Variants in GLYATL1 observed in about 807,000 individuals in gnomAD.
GLYATL1 encodes glycine-N-acyltransferase like 1, also known as glycine N-acyltransferase-like protein 1.
In GLYATL1, 15 loss-of-function variants were observed where a neutral mutation model predicts 20.0. That is an observed-to-expected ratio of 0.75 (90% confidence interval 0.50 to 1.15). GLYATL1 has a LOEUF of 1.15. Among genes scored for constraint, GLYATL1 ranks in the 50% most tolerant of loss-of-function variants. The pLI is 0.00. For synonymous variants in GLYATL1, 151 were observed against 131.5 expected (o/e 1.15, Z -1.01); for missense variants, 380 against 368.5 (o/e 1.03, Z -0.26).
chr11:58,929,521 G>T (rs139510566), intron 1 of GLYATL1, among the ~76,000 whole-genome samples: 1 of 151,948 alleles, frequency 6.6e-6, no homozygotes, highest in African/African-American at 2.4e-5. Flanking sequence ...TGTTTCACCC[G>T]TATATTATAG....
chr11:58,923,076 T>C (rs532318), upstream of GLYATL1, among the ~76,000 whole-genome samples: 82,044 of 152,012 alleles, frequency 0.54, 22,829 homozygotes, highest in African/African-American at 0.69. Context: ...ATTTTCTTCC[T>C]ATTTCCTCCC....
At chr11:58,922,827 G>A (rs1188728918), upstream of GLYATL1, among the ~76,000 whole-genome samples, 4 of 152,148 alleles carry the variant, frequency 2.6e-5, no homozygotes, top group East Asian at 1.9e-4. Flanking sequence ...GCCATAAATC[G>A]ATATAGGAGA....
chr11:58,950,273 C>G (rs1207638162), intron 4 of GLYATL1, among the ~76,000 whole-genome samples: 2 of 150,324 alleles, frequency 1.3e-5, no homozygotes, highest in Non-Finnish European at 3.0e-5. Context: ...CCTTGGGCGA[C>G]GGAGCGAGAC....
chr11:58,950,320 G>A (rs1177051167), intron 4 of GLYATL1, among the ~76,000 whole-genome samples: 2 of 151,562 alleles, frequency 1.3e-5, no homozygotes, highest in Admixed American at 1.3e-4. Flanking sequence ...AATAAACAGA[G>A]GGATATTCAC....
chr11:58,918,934 A>G (rs924717771), intron 1 of GLYATL1, among the ~76,000 whole-genome samples: 1 of 152,214 alleles, frequency 6.6e-6, no homozygotes, highest in Non-Finnish European at 1.5e-5. Context: ...TGGCTGGTCC[A>G]CTTGTCCTGG....
At chr11:58,926,713 T>C (rs1855437326), upstream of GLYATL1, among the ~76,000 whole-genome samples, 12 of 152,350 alleles carry the variant, frequency 7.9e-5, no homozygotes, top group South Asian at 2.5e-3. Flanking sequence ...ATTGACTGCA[T>C]TAATCATTAA....
intron 1 of GLYATL1, among the ~76,000 whole-genome samples, chr11:58,930,614 C>T (rs1855562373): frequency 6.6e-6 from 1 of 151,952 alleles, no homozygotes. Context: ...GTAATACCCC[C>T]CAAATTGTTT....
intron 4 of GLYATL1, among the ~76,000 whole-genome samples, chr11:58,948,767 T>G (rs1856767197): frequency 6.6e-6 from 1 of 152,240 alleles, no homozygotes; most frequent in Non-Finnish European, 1.5e-5. Context: ...AACAATCTTA[T>G]GAAGTGAGCA....
At chr11:58,936,712 G>T (rs979117257), upstream of GLYATL1, among the ~76,000 whole-genome samples, 2 of 152,190 alleles carry the variant, frequency 1.3e-5, no homozygotes, top group African/African-American at 4.8e-5. Flanking sequence ...CCAAAGTTTT[G>T]TTTTTCTCTT....
At chr11:58,943,185 G>A (rs537640436) in intron 1 of GLYATL1, 28 of 1,297,240 alleles carry the variant, frequency 2.2e-5, no homozygotes, top group Middle Eastern at 2.3e-4. Flanking sequence ...AAACTGTAAC[G>A]TAGCTTAATC....
At chr11:58,927,639 C>T (rs516803), upstream of GLYATL1, 88,470 of 152,122 alleles carry the variant, frequency 0.58, 26,086 homozygotes, top group African/African-American at 0.7. Flanking sequence ...AGTTTTTTCT[C>T]ACTGCTTGCT....
intron 1 of GLYATL1, among the ~76,000 whole-genome samples, chr11:58,906,420 C>G (rs558597486): frequency 2.0e-5 from 3 of 152,096 alleles, no homozygotes; most frequent in Admixed American, 2.0e-4. Context: ...AGAGCAGAAA[C>G]TTTATTCACT....
intron 1 of GLYATL1, among the ~76,000 whole-genome samples, chr11:58,915,165 A>C (rs1463903066): frequency 6.6e-6 from 1 of 152,232 alleles, no homozygotes; most frequent in Non-Finnish European, 1.5e-5. Context: ...CCAACAAAGC[A>C]TAACAATATC....
At chr11:58,947,321 T>A in intron 3 of GLYATL1, 156 bp downstream of exon 3, 1 of 1,054,206 alleles carries the variant, frequency 9.5e-7, no homozygotes, top group Non-Finnish European at 1.3e-6. Flanking sequence ...CAAGAGCTGC[T>A]GCTTCTCTTT....
At chr11:58,947,348 G>C in intron 3 of GLYATL1, 183 bp downstream of exon 3, 1 of 795,298 alleles carries the variant, frequency 1.3e-6, no homozygotes. Context: ...AGGCAGCTAG[G>C]TCCACTCTGC....
upstream of GLYATL1, among the ~76,000 whole-genome samples, chr11:58,923,442 C>A (rs59510401): frequency 6.6e-6 from 1 of 152,264 alleles, no homozygotes; most frequent in East Asian, 1.9e-4. Context: ...TAGTGGCCCG[C>A]AACCAGTTTG....
At chr11:58,936,870 G>A (rs1379267744), upstream of GLYATL1, among the ~76,000 whole-genome samples, 1 of 152,092 alleles carries the variant, frequency 6.6e-6, no homozygotes, top group African/African-American at 2.4e-5. Context: ...TTTCTCCGGA[G>A]GCACTGAAAC....
chr11:58,911,983 T>G (rs947360474), downstream of GLYATL1, among the ~76,000 whole-genome samples: 5 of 152,234 alleles, frequency 3.3e-5, no homozygotes, highest in African/African-American at 1.2e-4. Flanking sequence ...AAGTTTTTTT[T>G]TGTATGGTGT....
chr11:58,940,348 T>C (rs541891390), intron 1 of GLYATL1, among the ~76,000 whole-genome samples: 3 of 152,370 alleles, frequency 2.0e-5, no homozygotes, highest in Admixed American at 1.3e-4. Context: ...AGTTCAGCCA[T>C]GTGAACATGT....
Sources: allele counts gnomAD v4.1 joint callset (sites outside exome capture counted in the v4.1 genomes callset), GRCh38; gene constraint gnomAD v4.1.1; transcripts MANE v1.5; gene names NCBI Gene and HGNC (gene_info 2026-07-23, HGNC 2026-07-21).